BRINP2: variants seen among roughly 807,000 people sequenced by gnomAD.
The protein encoded by BRINP2 is BMP/retinoic acid-inducible neural-specific protein 2.
In BRINP2, 21 loss-of-function variants were observed where a neutral mutation model predicts 69.2. That is an observed-to-expected ratio of 0.30 (90% CI 0.22 to 0.44). BRINP2 has a LOEUF of 0.44. Among genes scored for constraint, BRINP2 ranks in the 20% least tolerant of loss-of-function variants. The pLI, the probability that BRINP2 is intolerant of heterozygous loss-of-function variation, is 1.00. For synonymous variants in BRINP2, 380 were observed against 394.1 expected (o/e 0.96, Z 0.42); for missense variants, 877 against 986.0 (o/e 0.89, Z 1.48).
chr1:177,234,311 C>A (rs1463627602), intron 2 of BRINP2, among the ~76,000 whole-genome samples: 1 of 152,188 alleles, frequency 6.6e-6, no homozygotes, highest in African/African-American at 2.4e-5. Context: ...GGGCTCCTGA[C>A]TTGAAGTCTC....
At chr1:177,224,992 T>G (rs1009451343) in intron 1 of BRINP2, among the ~76,000 whole-genome samples, 7 of 152,226 alleles carry the variant, frequency 4.6e-5, no homozygotes, top group African/African-American at 1.7e-4. Flanking sequence ...ATTGCCAAGA[T>G]CTGGTACACC....
chr1:177,182,773 A>G (rs1648299256), intron 1 of BRINP2, among the ~76,000 whole-genome samples: 1 of 152,202 alleles, frequency 6.6e-6, no homozygotes, highest in Non-Finnish European at 1.5e-5. Flanking sequence ...GATCTTGCCA[A>G]GTTACTTTAC....
chr1:177,179,021 C>T (rs749737366), intron 1 of BRINP2, among the ~76,000 whole-genome samples: 9 of 152,262 alleles, frequency 5.9e-5, no homozygotes, highest in Middle Eastern at 3.4e-3. Flanking sequence ...ATTTTATAGA[C>T]GCTGAGTTGA....
Position 177,175,293 on chromosome 1 carries a change from G to T in BRINP2, c.-77+3561G>T, listed in dbSNP as rs564752337. Among the ~76,000 whole-genome samples, 8 of 152,200 alleles carry T rather than the reference G, an allele frequency of 5.3e-5. No individual in the cohort carries two copies. In the South Asian group the frequency reaches 6.2e-4, roughly 12 times the overall value. The stretch of plus-strand genomic sequence containing the variant: ...AGGAGACCATGGAAAAGCGGGGTGG[G>T]GGGGGCAGGATGCGGTGTTGCCTGA... On this transcript the variant is annotated intron_variant, in intron 1 of 7. Coordinates refer to ENST00000361539, the MANE Select transcript of BRINP2 (RefSeq NM_021165.4).
intron 2 of BRINP2, among the ~76,000 whole-genome samples, chr1:177,240,651 T>C (rs970716598): frequency 1.3e-5 from 2 of 152,188 alleles, no homozygotes; most frequent in Non-Finnish European, 2.9e-5. Context: ...TACATTATTT[T>C]GTCTTCTGCA....
chr1:177,246,083 C>G (rs1650368554), intron 2 of BRINP2, among the ~76,000 whole-genome samples: 1 of 152,154 alleles, frequency 6.6e-6, no homozygotes, highest in South Asian at 2.1e-4. Flanking sequence ...TGGAGAGCAC[C>G]AGGACATCAG....
intron 3 of BRINP2, 156 bp downstream of exon 3, chr1:177,256,265 A>G: frequency 1.0e-6 from 1 of 968,854 alleles, no homozygotes; most frequent in Non-Finnish European, 1.2e-6. Context: ...CAGTCTCTTG[A>G]CATCTCAATT....
chr1:177,226,894 T>A (rs1649708472), intron 1 of BRINP2, among the ~76,000 whole-genome samples: 1 of 152,204 alleles, frequency 6.6e-6, no homozygotes, highest in African/African-American at 2.4e-5. Flanking sequence ...TATGGCTGTT[T>A]GCTACTCCCC....
chr1:177,215,134 A>G (rs1649338001), intron 1 of BRINP2, among the ~76,000 whole-genome samples: 1 of 152,164 alleles, frequency 6.6e-6, no homozygotes, highest in Non-Finnish European at 1.5e-5. Flanking sequence ...TAGATTCCAT[A>G]GTTAGTTGAG....
chr1:177,207,107 T>C (rs1649088683), intron 1 of BRINP2, among the ~76,000 whole-genome samples: 1 of 152,168 alleles, frequency 6.6e-6, no homozygotes, highest in Non-Finnish European at 1.5e-5. Context: ...TTTAGAATGC[T>C]CCTGATAATG....
intron 6 of BRINP2, among the ~76,000 whole-genome samples, chr1:177,276,908 C>G (rs535460511): frequency 3.3e-5 from 5 of 151,748 alleles, no homozygotes; most frequent in African/African-American, 4.9e-5. Flanking sequence ...TGCATCCTTG[C>G]CTGGTTTGAC....
intron 1 of BRINP2, among the ~76,000 whole-genome samples, chr1:177,216,102 CATTT>C: frequency 6.6e-6 from 1 of 151,894 alleles, no homozygotes; most frequent in East Asian, 1.9e-4. Flanking sequence ...GAATTTAATT[CATTT>C]ATTTTCAAGG....
chr1:177,212,601 A>G (rs1292674084), intron 1 of BRINP2, among the ~76,000 whole-genome samples: 1 of 152,130 alleles, frequency 6.6e-6, no homozygotes, highest in Non-Finnish European at 1.5e-5. Flanking sequence ...AGCTTAGAAG[A>G]GCCCATTGTA....
intron 1 of BRINP2, among the ~76,000 whole-genome samples, chr1:177,197,495 T>C (rs1201775148): frequency 6.6e-6 from 1 of 151,842 alleles, no homozygotes; most frequent in Non-Finnish European, 1.5e-5. Context: ...GGGTGTGACT[T>C]TATAAAAAAA....
chr1:177,246,875 G>T (rs1650404045), intron 2 of BRINP2, among the ~76,000 whole-genome samples: 1 of 152,170 alleles, frequency 6.6e-6, no homozygotes, highest in African/African-American at 2.4e-5. Flanking sequence ...GTAATCTGTT[G>T]TTGAGATAGA....
intron 1 of BRINP2, among the ~76,000 whole-genome samples, chr1:177,194,116 G>T (rs1433484226): frequency 6.6e-6 from 1 of 152,146 alleles, no homozygotes; most frequent in African/African-American, 2.4e-5. Flanking sequence ...ATGTTTGGCT[G>T]TATTTATTAT....
chr1:177,263,212 C>G (rs1469328384), intron 4 of BRINP2, among the ~76,000 whole-genome samples: 1 of 152,018 alleles, frequency 6.6e-6, no homozygotes, highest in Admixed American at 6.6e-5. Flanking sequence ...GAGACTAGAG[C>G]AAGTATGAGT....
chr1:177,182,989 T>C (rs1648306568), intron 1 of BRINP2, among the ~76,000 whole-genome samples: 4 of 151,842 alleles, frequency 2.6e-5, no homozygotes, highest in African/African-American at 9.7e-5. Flanking sequence ...TTTTCTTTTT[T>C]TGCCCTGTCT....
At chr1:177,197,223 A>G (rs1014682672) in intron 1 of BRINP2, among the ~76,000 whole-genome samples, 2 of 152,126 alleles carry the variant, frequency 1.3e-5, no homozygotes, top group African/African-American at 4.8e-5. Flanking sequence ...GCAAAGGGGG[A>G]GCAAGGTGTC....
Sources: allele counts gnomAD v4.1 joint callset (sites outside exome capture counted in the v4.1 genomes callset), GRCh38; gene constraint gnomAD v4.1.1; transcripts MANE v1.5; gene names NCBI Gene and HGNC (gene_info 2026-07-23, HGNC 2026-07-21).